Variants in ANO6 observed in about 807,000 individuals in gnomAD.
ANO6 encodes anoctamin 6.
In ANO6, 106 loss-of-function variants were observed where a neutral mutation model predicts 117.5. That is an observed-to-expected ratio of 0.90 (90% CI 0.77 to 1.06). The LOEUF is 1.06. ANO6 is among the 50% of genes least tolerant of loss of function. The pLI is 0.00. For synonymous variants in ANO6, 367 were observed against 385.1 expected, an observed-to-expected ratio of 0.95 and a Z score of 0.55; for missense variants, 955 against 1,121.1, an observed-to-expected ratio of 0.85 and a Z score of 2.12.
intron 2 of ANO6, among the ~76,000 whole-genome samples, chr12:45,307,828 G>A (rs557337817): frequency 2.0e-5 from 3 of 152,200 alleles, no homozygotes; most frequent in South Asian, 2.1e-4. Flanking sequence ...TGGAAGCCAA[G>A]TGAAGAAAGT....
At chr12:45,375,581 C>G (rs1254901483) in intron 9 of ANO6, among the ~76,000 whole-genome samples, 1 of 152,128 alleles carries the variant, frequency 6.6e-6, no homozygotes, top group African/African-American at 2.4e-5. Context: ...CTTTGACAAA[C>G]CTGACAAAAA....
At chr12:45,318,342 G>T (rs1408781635) in intron 2 of ANO6, among the ~76,000 whole-genome samples, 1 of 152,104 alleles carries the variant, frequency 6.6e-6, no homozygotes, top group Non-Finnish European at 1.5e-5. Flanking sequence ...CTCTACATAT[G>T]GCTAGCCAAT....
chr12:45,405,444 C>G (rs1942906558), intron 15 of ANO6, among the ~76,000 whole-genome samples: 1 of 152,186 alleles, frequency 6.6e-6, no homozygotes, highest in Non-Finnish European at 1.5e-5. Context: ...CAAGTAAGCT[C>G]ATTGTTGAAA....
At chr12:45,236,403 C>T (rs904164329) in intron 1 of ANO6, among the ~76,000 whole-genome samples, 6 of 152,056 alleles carry the variant, frequency 3.9e-5, no homozygotes, top group African/African-American at 1.4e-4. Context: ...TCTAATAGGC[C>T]CTGGTGTGTG....
intron 11 of ANO6, among the ~76,000 whole-genome samples, chr12:45,389,616 A>G (rs2137579779): frequency 6.6e-6 from 1 of 152,054 alleles, no homozygotes; most frequent in East Asian, 1.9e-4. Flanking sequence ...TTGCCCACAT[A>G]CCCTCCCTTT....
At chr12:45,292,705 G>A in intron 1 of ANO6, 1 of 1,330,714 alleles carries the variant, frequency 7.5e-7, no homozygotes, top group Non-Finnish European at 9.6e-7. Flanking sequence ...AGGCTTGTAG[G>A]AATAGGGGAA....
intron 15 of ANO6, among the ~76,000 whole-genome samples, chr12:45,408,341 G>T (rs984100910): frequency 6.6e-6 from 1 of 152,172 alleles, no homozygotes; most frequent in African/African-American, 2.4e-5. Context: ...GCAGTTGCTT[G>T]AGGGGACAAC....
intron 1 of ANO6, among the ~76,000 whole-genome samples, chr12:45,288,390 A>C (rs552167283): frequency 3.1e-4 from 47 of 152,258 alleles, no homozygotes; most frequent in Admixed American, 8.5e-4. Context: ...TACCAATTAA[A>C]CAATAACTCC....
At chr12:45,303,798 G>A (rs1408068272) in intron 2 of ANO6, among the ~76,000 whole-genome samples, 1 of 152,306 alleles carries the variant, frequency 6.6e-6, no homozygotes, top group East Asian at 1.9e-4. Flanking sequence ...TGAAAGACTT[G>A]TTTTCACAGT....
chr12:45,374,677 T>G (rs1411909544), intron 9 of ANO6, among the ~76,000 whole-genome samples: 3 of 133,686 alleles, frequency 2.2e-5, no homozygotes, highest in South Asian at 2.7e-4. Context: ...AAACTCTCAA[T>G]AAATTAGGTA....
chr12:45,274,302 G>C (rs913958077), intron 1 of ANO6, among the ~76,000 whole-genome samples: 6 of 152,164 alleles, frequency 3.9e-5, no homozygotes, highest in Admixed American at 1.3e-4. Context: ...TTGTTTAGTA[G>C]ATGAGTTGAA....
Position 45,439,875 on chromosome 12 carries a change from CTTTT to C in ANO6, c.2729_2732del (p.Phe910SerfsTer18). The C allele has an allele frequency of 2.0e-6, 3 of 1,528,598 alleles. No homozygotes were observed. The Admixed American group carries it at 6.2e-5, about 32-fold the overall frequency. The allele number at this position is 1,528,598 out of a possible 1,614,324, so 94.7% of individuals were successfully genotyped here. A position where few individuals can be genotyped will look rare whatever the true frequency, so the allele number is the denominator to read the frequency against. On this transcript the variant is annotated frameshift_variant, in exon 20 of 20. Transcript: ENST00000425752. LOFTEE classifies it high-confidence loss of function. ...TATCTATTTTCTTTTCTGTTACTTTCTTTTTCCTTCTACTTTCTTTGGGGCCAAC... is the reference window on the plus strand; with the variant it reads ...TATCTATTTTCTTTTCTGTTACTTTCTCCTTCTACTTTCTTTGGGGCCAAC...
chr12:45,410,309 C>G (rs1045829559), intron 16 of ANO6, among the ~76,000 whole-genome samples: 4 of 152,208 alleles, frequency 2.6e-5, no homozygotes, highest in Non-Finnish European at 5.9e-5. Context: ...TGGTTTCTGC[C>G]TGGTTCCTTG....
At chr12:45,223,061 T>C (rs1947429581) in intron 1 of ANO6, among the ~76,000 whole-genome samples, 1 of 152,216 alleles carries the variant, frequency 6.6e-6, no homozygotes. Context: ...CTCAGTGCCT[T>C]TTCCCGCATA....
chr12:45,349,401 T>C (rs1941226191), intron 6 of ANO6, among the ~76,000 whole-genome samples: 1 of 152,190 alleles, frequency 6.6e-6, no homozygotes, highest in Non-Finnish European at 1.5e-5. Context: ...CAAGAGTACT[T>C]CTCTAGCCGA....
intron 9 of ANO6, among the ~76,000 whole-genome samples, chr12:45,372,268 C>T (rs1457165057): frequency 2.1e-5 from 3 of 142,362 alleles, no homozygotes; most frequent in Non-Finnish European, 3.1e-5. Context: ...GAGAATGGAA[C>T]CAAGTTGGAA....
chr12:45,258,107 C>CATTAA (rs1180291526), intron 1 of ANO6, among the ~76,000 whole-genome samples: 1 of 152,194 alleles, frequency 6.6e-6, no homozygotes, highest in Non-Finnish European at 1.5e-5. Flanking sequence ...CTATTAAATA[C>CATTAA]ATATTAATCA....
At chr12:45,243,523 T>G (rs962506119) in intron 1 of ANO6, among the ~76,000 whole-genome samples, 27 of 152,270 alleles carry the variant, frequency 1.8e-4, no homozygotes, top group Non-Finnish European at 4.0e-4. Context: ...CCTGTTTGTC[T>G]TCTGAGAGAT....
At chr12:45,227,724 A>G (rs901315258) in intron 1 of ANO6, among the ~76,000 whole-genome samples, 1 of 151,776 alleles carries the variant, frequency 6.6e-6, no homozygotes, top group Admixed American at 6.6e-5. Context: ...GTTGCTTTCT[A>G]TCATGTTATG....
Sources: gnomAD v4.1 joint callset for allele counts (sites outside exome capture counted in the v4.1 genomes callset) on GRCh38, gnomAD v4.1.1 for gene constraint, MANE v1.5 for transcripts, NCBI Gene and HGNC (gene_info 2026-07-23, HGNC 2026-07-21) for gene names.